FLNB: variants seen among roughly 807,000 people sequenced by gnomAD.
The protein encoded by FLNB is filamin B.
FLNB carries 111 observed loss-of-function variants against 250.6 expected under a neutral mutation model. That is an observed-to-expected ratio of 0.44 (90% CI 0.38 to 0.52). The LOEUF (loss-of-function observed/expected upper bound fraction) is 0.52. Ranked by LOEUF, FLNB falls within the 20% of genes least tolerant of loss-of-function variation. The pLI, the probability that FLNB is intolerant of heterozygous loss-of-function variation, is 0.00. For synonymous variants in FLNB, 1,302 were observed against 1,372.1 expected, an observed-to-expected ratio of 0.95 and a Z score of 1.13; for missense variants, 2,869 against 3,447.8, an observed-to-expected ratio of 0.83 and a Z score of 4.20.
intron 23 of FLNB, among the ~76,000 whole-genome samples, 198 bp from the exon 24 acceptor site, chr3:58,126,404 A>G (rs1393286832): frequency 4.6e-5 from 7 of 152,186 alleles, no homozygotes; most frequent in African/African-American, 1.4e-4. Flanking sequence ...TAAATGAAGC[A>G]TAAGCATTGA....
chr3:58,156,043 G>A lies in FLNB; in HGVS notation c.6856G>A (p.Asp2286Asn), dbSNP rs776222338. 1.9e-5 allele frequency: 31 copies of A among 1,613,926 alleles called. No individual in the cohort carries two copies. The highest frequency in any genetic ancestry group is 8.3e-5 in the Admixed American group (5 of 60,000). ...YLVPVIAPSD[D>N]ARRLTVMSLQ... is the part of the protein sequence containing the mutation. ...GGTGCCGGTCATCGCACCCTCCGAC[G>A]ACGCCCGCCGCCTCACTGTTATGAG... is the stretch of plus-strand genomic sequence containing the variant. Residue 2286 changes from aspartate (D) to asparagine (N), a missense_variant, in exon 41 of 46, where the codon GAC becomes AAC. Around this residue, in one of 5 missense-constraint regions of FLNB, gnomAD observed 1,084 missense variants for 1,315.5 expected, o/e 0.82. Transcript: ENST00000295956.
At chr3:58,145,883 A>G in intron 32 of FLNB, 38 bp from the exon 33 acceptor site, 2 of 1,613,892 alleles carry the variant, frequency 1.2e-6, no homozygotes, top group Non-Finnish European at 1.7e-6. Context: ...TCACCCCTTA[A>G]TGAGCACCAA....
chr3:58,079,699 A>C (rs186917911), intron 3 of FLNB, among the ~76,000 whole-genome samples: 1 of 152,362 alleles, frequency 6.6e-6, no homozygotes, highest in African/African-American at 2.4e-5. Context: ...TACAGTAGTC[A>C]CATTGCTTAG....
chr3:58,110,745 C>T (rs2097267194), intron 16 of FLNB, among the ~76,000 whole-genome samples: 1 of 152,198 alleles, frequency 6.6e-6, no homozygotes, highest in Non-Finnish European at 1.5e-5. Flanking sequence ...CGTGCCTGGC[C>T]ACTCAGCTAA....
chr3:58,067,026 T>C (rs914606230), intron 1 of FLNB, among the ~76,000 whole-genome samples: 2 of 152,216 alleles, frequency 1.3e-5, no homozygotes, highest in Non-Finnish European at 2.9e-5. Context: ...GGGCCTATAG[T>C]AGAAATCTCA....
In FLNB at chr3:58,124,512, C is replaced by A; in HGVS notation, c.3898+7C>A. The stretch of plus-strand genomic sequence containing the variant: ...TACACACCCTTTGAGAAAGGTGAGC[C>A]GCCCTGTCCTCGGACTGGACCCTCG... On this transcript the variant is annotated splice_region_variant and intron_variant, in intron 22 of 45. Coordinates refer to ENST00000295956, the MANE Select transcript of FLNB (RefSeq NM_001457.4). The A allele has an allele frequency of 6.2e-7, 1 of 1,614,066 alleles. No individual in the cohort carries two copies. Among genetic ancestry groups the A allele is most frequent in the South Asian group, 1.1e-5 (1 of 91,068 alleles).
At chr3:58,068,219 G>C (rs191049785) in intron 1 of FLNB, among the ~76,000 whole-genome samples, 1 of 152,362 alleles carries the variant, frequency 6.6e-6, no homozygotes, top group East Asian at 1.9e-4. Context: ...GCCTGGGAGG[G>C]AGAAGGGGAC....
intron 4 of FLNB, among the ~76,000 whole-genome samples, chr3:58,094,252 GA>G (rs1387214805): frequency 1.3e-5 from 2 of 152,134 alleles, no homozygotes; most frequent in Non-Finnish European, 2.9e-5. Context: ...ATTTTTAGTA[GA>G]GACAGGGTTT....
intron 1 of FLNB, among the ~76,000 whole-genome samples, chr3:58,032,273 A>G (rs1559647005): frequency 3.9e-5 from 6 of 152,094 alleles, no homozygotes; most frequent in Non-Finnish European, 1.5e-5. Context: ...CCAGTTTATA[A>G]GAAAAGAAAA....
At chr3:58,100,588 TC>T (rs376656428) in intron 8 of FLNB, among the ~76,000 whole-genome samples, 24 of 129,362 alleles carry the variant, frequency 1.9e-4, no homozygotes, top group African/African-American at 6.2e-4. Context: ...TTTTTCTTTT[TC>T]TTTTTTTTTT....
In FLNB at chr3:58,163,282, C is replaced by G; in HGVS notation, c.7150C>G (p.Pro2384Ala). The change falls in exon 43 of 46, where the codon CCT (proline) becomes GCT (alanine). Residue 2384 changes from proline to alanine, a missense_variant. Coordinates refer to ENST00000295956, the MANE Select transcript of FLNB (RefSeq NM_001457.4). The part of the protein sequence containing the change: ...RVGEPGQAGN[P>A]ALVSAYGTGL... ...TGGGGAGCCTGGACAAGCGGGGAAC[C>G]CTGCCCTGGTGTCCGCCTATGGCAC... The G allele has an allele frequency of 6.2e-7, 1 of 1,614,226 alleles. No individual in the cohort carries two copies. Among genetic ancestry groups the G allele is most frequent in the South Asian group, 1.1e-5 (1 of 91,086 alleles).
Position 58,126,623 on chromosome 3 carries a change from T to A in FLNB, c.4083T>A (p.Leu1361=). ...CCAGAGGCGCAGGAATTGGTGGGCT[T>A]GGCATAACTGTTGAGGGACCATCAG... is the stretch of plus-strand genomic sequence containing the variant. ...VVTRGAGIGG[L]GITVEGPSES... The change falls in exon 24 of 46, where the codon CTT becomes CTA. Residue 1361 remains leucine (L), a synonymous_variant. Transcript: ENST00000295956. 6.2e-7 allele frequency: 1 copy of A among 1,614,110 alleles called. No homozygotes were observed. Among genetic ancestry groups the A allele is most frequent in the South Asian group, 1.1e-5 (1 of 91,082 alleles).
intron 18 of FLNB, among the ~76,000 whole-genome samples, chr3:58,117,710 A>G (rs1199389775): frequency 1.3e-5 from 2 of 152,056 alleles, no homozygotes; most frequent in Non-Finnish European, 2.9e-5. Context: ...TGTTGTTCAC[A>G]TGAGGCAGGG....
In FLNB at chr3:58,164,817, G is replaced by A. The variant is rs1038442783; in HGVS notation, c.7198+1487G>A. 6 of 152,606 alleles carry A rather than the reference G, an allele frequency of 3.9e-5. No homozygotes were observed. The highest frequency in any genetic ancestry group is 3.9e-4 in the Admixed American group (6 of 15,314). The allele number at this position is 152,606 out of a possible 1,614,324, so 9.5% of individuals were successfully genotyped here. On this transcript the variant is annotated intron_variant, in intron 43 of 45. Transcript: ENST00000295956. This position sits in a 1 kb window ranked among gnomAD's most constrained non-coding sequence, Gnocchi z 4.0. ...ATGTGGAAAGTGAGATGCAGAGGTT[G>A]AGTCACTCCCCAAACAACACTCCCC...
At chr3:58,110,247 T>C (rs2097266206) in intron 16 of FLNB, 77 bp downstream of exon 16, 1 of 1,428,500 alleles carries the variant, frequency 7.0e-7, no homozygotes, top group Non-Finnish European at 9.9e-7. Flanking sequence ...ATGTCTCATC[T>C]ACTTTTTGGT....
At position 58,154,834 on chromosome 3, in the gene FLNB, C is replaced by T; in HGVS notation, c.6678C>T (p.Leu2226=). 2.5e-6 allele frequency: 4 copies of T among 1,614,044 alleles called. No homozygotes were observed. Among genetic ancestry groups the T allele is most frequent in the Non-Finnish European group, 3.4e-6 (4 of 1,179,952 alleles). Residue 2226 remains leucine (L), a synonymous_variant, in exon 40 of 46, where the codon CTC becomes CTT. Coordinates refer to ENST00000295956, the MANE Select transcript of FLNB (RefSeq NM_001457.4). ...IWTREAGAGG[L]SIAVEGPSKA... ...CCCGGGAAGCAGGCGCTGGAGGCCTCTCCATCGCTGTTGAGGGCCCCAGTA... is the reference window on the plus strand; with the variant it reads ...CCCGGGAAGCAGGCGCTGGAGGCCTTTCCATCGCTGTTGAGGGCCCCAGTA...
chr3:58,129,496 T>G (rs1559715587), intron 24 of FLNB, among the ~76,000 whole-genome samples: 1 of 152,204 alleles, frequency 6.6e-6, no homozygotes, highest in Admixed American at 6.5e-5. Context: ...AATCCTCAAC[T>G]GTCACTCTCT....
At position 58,153,361 on chromosome 3, in the gene FLNB, C is replaced by T. The variant is rs1559733829; in HGVS notation, c.6368-14C>T. 2 of 1,614,184 alleles carry T rather than the reference C, an allele frequency of 1.2e-6. No individual in the cohort carries two copies. The highest frequency in any genetic ancestry group is 1.7e-5 in the Admixed American group (1 of 60,034). ...TAACCCTCTTCTCTCCCCCAACCTC[C>T]CTCCCTCTTTCAGAAATCAACAGCA... is the stretch of plus-strand genomic sequence containing the variant. On this transcript the variant is annotated splice_polypyrimidine_tract_variant and intron_variant, in intron 38 of 45. Transcript: ENST00000295956.
chr3:58,041,691 T>C (rs1314962063), intron 1 of FLNB, among the ~76,000 whole-genome samples: 1 of 152,234 alleles, frequency 6.6e-6, no homozygotes, highest in East Asian at 1.9e-4. Flanking sequence ...CCAGTAGCCT[T>C]GACCCAGGGT....
Sources: allele counts gnomAD v4.1 joint callset (sites outside exome capture counted in the v4.1 genomes callset), GRCh38; gene constraint gnomAD v4.1.1; regional missense constraint gnomAD v4.1.1; non-coding constraint Gnocchi (gnomAD v3.1); transcripts MANE v1.5; gene names NCBI Gene and HGNC (gene_info 2026-07-23, HGNC 2026-07-21).